The following HHIP variants were observed in gnomAD, a reference collection of about 807,000 sequenced individuals.
HHIP encodes hedgehog interacting protein, also known as hedgehog-interacting protein.
HHIP carries 12 observed loss-of-function variants against 74.0 expected under a neutral mutation model. That is an observed-to-expected ratio of 0.16 (90% CI 0.10 to 0.26). The LOEUF (loss-of-function observed/expected upper bound fraction) is 0.26, where lower values mean the gene tolerates loss of function less well. Among genes scored for constraint, HHIP ranks in the 10% least tolerant of loss-of-function variants. The pLI, the probability that HHIP is intolerant of heterozygous loss-of-function variation, is 1.00. For synonymous variants in HHIP, 309 were observed against 311.6 expected, an observed-to-expected ratio of 0.99 and a Z score of 0.09; for missense variants, 788 against 845.0, an observed-to-expected ratio of 0.93 and a Z score of 0.84.
chr4:144,711,995 G>A lies in HHIP; in HGVS notation c.1347G>A (p.Thr449=), dbSNP rs571209100. ...RHPTDININL[T]ILCSDSNGKN... is the part of the protein sequence containing the mutation. ...CCACTGATATAAACATCAATTTAAC[G>A]ATACTGTGTTCAGACTCCAATGGAA... Residue 449 remains threonine, a synonymous_variant, in exon 8 of 13, where the codon ACG becomes ACA. Coordinates refer to ENST00000296575, the MANE Select transcript of HHIP (RefSeq NM_022475.3). 8 of 1,611,304 alleles carry A rather than the reference G, an allele frequency of 5.0e-6. No individual in the cohort carries two copies. The highest frequency in any genetic ancestry group is 1.3e-5 in the African/African-American group (1 of 74,936).
intron 11 of HHIP, among the ~76,000 whole-genome samples, chr4:144,725,661 T>C (rs867722902): frequency 1.3e-4 from 19 of 141,324 alleles, no homozygotes; most frequent in South Asian, 4.6e-4. Flanking sequence ...TGTGTGCGCG[T>C]GCGTGTGTGT....
chr4:144,659,487 G>C (rs75476928), intron 3 of HHIP, 150 bp from the exon 4 acceptor site: 4,799 of 478,718 alleles, frequency 0.01, 175 homozygotes, highest in African/African-American at 0.079. Flanking sequence ...CCACTTAAAA[G>C]AATTATATTG....
chr4:144,659,513 C>G, intron 3 of HHIP, 124 bp from the exon 4 acceptor site: 1 of 577,512 alleles, frequency 1.7e-6, no homozygotes. Context: ...CTTGGGTTAG[C>G]AAGCACTTCA....
chr4:144,655,439 T>C (rs1418810960), intron 2 of HHIP, among the ~76,000 whole-genome samples: 1 of 152,176 alleles, frequency 6.6e-6, no homozygotes, highest in Non-Finnish European at 1.5e-5. Context: ...TCTTCCTCTG[T>C]ACCTGTAGTC....
intron 4 of HHIP, among the ~76,000 whole-genome samples, chr4:144,697,841 A>C (rs886156604): frequency 6.6e-6 from 1 of 152,110 alleles, no homozygotes; most frequent in African/African-American, 2.4e-5. Context: ...GGAGCTATGA[A>C]ACTAGAAATT....
chr4:144,682,142 G>A (rs1272292912), intron 4 of HHIP, among the ~76,000 whole-genome samples: 3 of 152,228 alleles, frequency 2.0e-5, no homozygotes, highest in Non-Finnish European at 2.9e-5. Context: ...CAGCAGATTA[G>A]AAATATGGGG....
intron 1 of HHIP, chr4:144,650,747 T>A (rs936416551): frequency 1.3e-5 from 2 of 152,118 alleles, no homozygotes; most frequent in African/African-American, 4.8e-5. Flanking sequence ...AATAATATTA[T>A]ACTTGATTTC....
At chr4:144,680,690 A>G (rs577331130) in intron 4 of HHIP, among the ~76,000 whole-genome samples, 1 of 152,290 alleles carries the variant, frequency 6.6e-6, no homozygotes, top group South Asian at 2.1e-4. Flanking sequence ...TGATTATTGG[A>G]CTTCTTCTAA....
At chr4:144,652,550 G>A (rs1728451224) in intron 1 of HHIP, 55 bp from the exon 2 acceptor site, 2 of 1,103,426 alleles carry the variant, frequency 1.8e-6, no homozygotes, top group East Asian at 2.4e-5. Context: ...AATAATAATA[G>A]CTAAACCTAA....
intron 11 of HHIP, among the ~76,000 whole-genome samples, chr4:144,721,835 G>A (rs1730646112): frequency 6.6e-6 from 1 of 151,822 alleles, no homozygotes. Context: ...CCCAGGAGGA[G>A]GAGGTTGCAG....
chr4:144,693,772 T>A (rs916065277), intron 4 of HHIP, among the ~76,000 whole-genome samples: 32 of 151,964 alleles, frequency 2.1e-4, no homozygotes, highest in African/African-American at 7.5e-4. Context: ...ATAGAAAACA[T>A]GGAATTACAA....
At chr4:144,699,153 C>T (rs760957001) in intron 4 of HHIP, among the ~76,000 whole-genome samples, 8 of 152,162 alleles carry the variant, frequency 5.3e-5, no homozygotes, top group Non-Finnish European at 1.0e-4. Flanking sequence ...CTTCAAATAC[C>T]AACCACAAAT....
At chr4:144,686,305 T>G (rs926854265) in intron 4 of HHIP, among the ~76,000 whole-genome samples, 8 of 152,182 alleles carry the variant, frequency 5.3e-5, no homozygotes, top group Admixed American at 4.6e-4. Flanking sequence ...GGGATTTTTT[T>G]TTTAAGAGCC....
At chr4:144,683,827 T>C (rs541484170) in intron 4 of HHIP, among the ~76,000 whole-genome samples, 6 of 152,154 alleles carry the variant, frequency 3.9e-5, no homozygotes, top group Non-Finnish European at 7.3e-5. Context: ...ATATTATATC[T>C]GGCTCTTTAA....
At chr4:144,722,897 C>T (rs1309116905) in intron 11 of HHIP, among the ~76,000 whole-genome samples, 7 of 151,880 alleles carry the variant, frequency 4.6e-5, no homozygotes, top group African/African-American at 1.4e-4. Context: ...TCAAATTATA[C>T]CTTGGATGCT....
chr4:144,694,067 T>C (rs1321860233), intron 4 of HHIP, among the ~76,000 whole-genome samples: 1 of 151,950 alleles, frequency 6.6e-6, no homozygotes, highest in Non-Finnish European at 1.5e-5. Context: ...GAATTCTGCA[T>C]TTGATCATTT....
chr4:144,684,352 G>A (rs1457080640), intron 4 of HHIP, among the ~76,000 whole-genome samples: 2 of 127,442 alleles, frequency 1.6e-5, no homozygotes, highest in East Asian at 5.1e-4. Flanking sequence ...TCTGCCTCCC[G>A]GGTTCACGCC....
rs1268707799 is a variant in HHIP, at chr4:144,726,124, A to C, written c.1760+7168A>C. Among the ~76,000 whole-genome samples the C allele has an allele frequency of 2.6e-5, 4 of 152,324 alleles. No homozygotes were observed. In the East Asian group the frequency reaches 7.7e-4, roughly 29 times the overall value. On this transcript the variant is annotated intron_variant, in intron 11 of 12. Transcript: ENST00000296575. ...TTTTATCAATTATGGTTTATGAATT[A>C]AGTATTTAAATTAAAAACTTGATTT...
intron 1 of HHIP, chr4:144,648,618 G>A (rs1728336372): frequency 6.6e-6 from 1 of 152,130 alleles, no homozygotes; most frequent in Non-Finnish European, 1.5e-5. Context: ...AGGAAATTCA[G>A]AGAAAAGTTT....
Sources: gnomAD v4.1 joint callset for allele counts (sites outside exome capture counted in the v4.1 genomes callset) on GRCh38, gnomAD v4.1.1 for gene constraint, MANE v1.5 for transcripts, NCBI Gene and HGNC (gene_info 2026-07-23, HGNC 2026-07-21) for gene names.